Variants in SGMS1 observed in about 807,000 individuals in gnomAD.
SGMS1 encodes phosphatidylcholine:ceramide cholinephosphotransferase 1.
In SGMS1, 13 loss-of-function variants were observed where a neutral mutation model predicts 46.2. The ratio of observed to expected loss-of-function variants is 0.28; its 90% CI spans 0.18 to 0.45. The LOEUF is 0.45. Among genes scored for constraint, SGMS1 ranks in the 20% least tolerant of loss-of-function variants. SGMS1 has a pLI of 1.00. For synonymous variants in SGMS1, 203 were observed against 187.8 expected, an observed-to-expected ratio of 1.08 and a Z score of -0.66; for missense variants, 324 against 519.9, an observed-to-expected ratio of 0.62 and a Z score of 3.66.
intron 2 of SGMS1, among the ~76,000 whole-genome samples, chr10:50,559,748 G>T (rs1173922590): frequency 1.3e-5 from 2 of 152,084 alleles, no homozygotes; most frequent in Non-Finnish European, 2.9e-5. Context: ...GCTTGAAGTG[G>T]GTGGCTAACA....
chr10:50,332,716 G>A (rs989855697), intron 7 of SGMS1, among the ~76,000 whole-genome samples: 9 of 143,946 alleles, frequency 6.3e-5, no homozygotes, highest in South Asian at 2.2e-4. Context: ...TCCATCTCCC[G>A]GGCTCAAGCA....
At chr10:50,443,007 G>C (rs1446879943) in intron 5 of SGMS1, among the ~76,000 whole-genome samples, 1 of 152,076 alleles carries the variant, frequency 6.6e-6, no homozygotes, top group Non-Finnish European at 1.5e-5. Context: ...AATAAGAATG[G>C]TTTCCTTAGT....
intron 3 of SGMS1, among the ~76,000 whole-genome samples, chr10:50,497,521 G>A (rs773651975): frequency 6.6e-6 from 1 of 152,146 alleles, no homozygotes; most frequent in Non-Finnish European, 1.5e-5. Flanking sequence ...GGCCGGGCGC[G>A]GTGGCTCACG....
intron 3 of SGMS1, among the ~76,000 whole-genome samples, chr10:50,494,993 G>A (rs1000515117): frequency 2.0e-4 from 26 of 126,912 alleles, no homozygotes; most frequent in Non-Finnish European, 3.1e-4. Flanking sequence ...CAGAGATCCC[G>A]CCACTGCACT....
rs116159204 is a variant in SGMS1 at position 50,479,569 on chromosome 10, A to G, written c.-497-12637T>C. ...AGTGAAAATCTTTCTGAACCGCATT[A>G]TATTTTTTTCTTACTTTTCCCATGT... On this transcript the variant is annotated intron_variant, in intron 3 of 10. Coordinates refer to ENST00000361781, the MANE Select transcript of SGMS1 (RefSeq NM_147156.4). Among the ~76,000 whole-genome samples, 630 of 152,274 alleles carry G rather than the reference A, an allele frequency of 4.1e-3. 6 individuals carry two copies. The highest frequency in any genetic ancestry group is 0.014 in the African/African-American group (601 of 41,554).
At chr10:50,323,052 T>C (rs1847475296) in intron 8 of SGMS1, among the ~76,000 whole-genome samples, 1 of 152,158 alleles carries the variant, frequency 6.6e-6, no homozygotes, top group Admixed American at 6.5e-5. Context: ...TTTCACTTCC[T>C]TTTCCCAGTG....
At chr10:50,504,415 G>C (rs1837687538) in intron 3 of SGMS1, among the ~76,000 whole-genome samples, 1 of 152,162 alleles carries the variant, frequency 6.6e-6, no homozygotes. Flanking sequence ...ATTTAGCACT[G>C]TCATCAGTTA....
intron 2 of SGMS1, among the ~76,000 whole-genome samples, chr10:50,529,488 G>A (rs753876138): frequency 6.6e-6 from 1 of 152,194 alleles, no homozygotes; most frequent in Non-Finnish European, 1.5e-5. Flanking sequence ...GCTGCCCGAG[G>A]AGGATTACTT....
chr10:50,396,203 G>T (rs1056179021), intron 6 of SGMS1, among the ~76,000 whole-genome samples: 1 of 152,032 alleles, frequency 6.6e-6, no homozygotes, highest in Non-Finnish European at 1.5e-5. Context: ...GAGCCCTCAG[G>T]GTGGGGCTCC....
chr10:50,563,081 T>C (rs1305534282), intron 2 of SGMS1, among the ~76,000 whole-genome samples: 2 of 152,198 alleles, frequency 1.3e-5, no homozygotes, highest in African/African-American at 4.8e-5. Flanking sequence ...CTAGAGAGCA[T>C]GAGAGCAGTA....
In SGMS1 at chr10:50,343,804, G is replaced by T; in HGVS notation, c.311C>A (p.Pro104His). ...PDGSFSIKIK[P>H]NGMPNGYRKE... ...CCTATACCCATTTGGCATCCCGTTG[G>T]GTTTAATCTTGATGCTGAAGCTGCC... The change falls in exon 7 of 11, where the codon CCC (proline) becomes CAC (histidine). Residue 104 changes from proline (P) to histidine (H), a missense_variant. Coordinates refer to ENST00000361781, the MANE Select transcript of SGMS1 (RefSeq NM_147156.4). 1 of 1,614,134 alleles carries T rather than the reference G, an allele frequency of 6.2e-7. No homozygotes were observed. Among genetic ancestry groups the T allele is most frequent in the South Asian group, 1.1e-5 (1 of 91,080 alleles).
At chr10:50,419,101 A>G (rs1849220998) in intron 6 of SGMS1, among the ~76,000 whole-genome samples, 1 of 152,214 alleles carries the variant, frequency 6.6e-6, no homozygotes, top group South Asian at 2.1e-4. Context: ...GAAAAATCAT[A>G]GTATATATAG....
intron 6 of SGMS1, among the ~76,000 whole-genome samples, chr10:50,355,582 T>C (rs527641864): frequency 7.9e-5 from 12 of 152,280 alleles, no homozygotes; most frequent in African/African-American, 2.6e-4. Flanking sequence ...GTGCTCAATG[T>C]TGCCCAGGCT....
chr10:50,317,208 T>C (rs1371621679), intron 8 of SGMS1, among the ~76,000 whole-genome samples: 1 of 152,228 alleles, frequency 6.6e-6, no homozygotes, highest in African/African-American at 2.4e-5. Flanking sequence ...ATGAATGCTT[T>C]AGATTTCAAA....
At chr10:50,597,808 T>A (rs1838609281) in intron 1 of SGMS1, among the ~76,000 whole-genome samples, 1 of 151,626 alleles carries the variant, frequency 6.6e-6, no homozygotes, top group South Asian at 2.1e-4. Flanking sequence ...AGGTTGGGAG[T>A]TCGAGACCAG....
At chr10:50,375,886 G>T (rs1460831456) in intron 6 of SGMS1, among the ~76,000 whole-genome samples, 1 of 151,932 alleles carries the variant, frequency 6.6e-6, no homozygotes, top group East Asian at 1.9e-4. Context: ...TTTAAGAGAT[G>T]GGGTCTCACT....
intron 1 of SGMS1, among the ~76,000 whole-genome samples, chr10:50,615,234 G>T (rs1838785844): frequency 1.3e-5 from 2 of 152,156 alleles, no homozygotes; most frequent in South Asian, 4.1e-4. Flanking sequence ...AATTTGTACA[G>T]CCTCCAACCA....
At chr10:50,565,337 A>G (rs1838278793) in intron 2 of SGMS1, among the ~76,000 whole-genome samples, 1 of 152,222 alleles carries the variant, frequency 6.6e-6, no homozygotes, top group Admixed American at 6.5e-5. Flanking sequence ...CTATACTGCC[A>G]CTGAAGAACT....
chr10:50,568,209 G>A (rs557841029), intron 2 of SGMS1, among the ~76,000 whole-genome samples: 2 of 152,090 alleles, frequency 1.3e-5, no homozygotes, highest in Non-Finnish European at 2.9e-5. Context: ...TCTTCCAAAC[G>A]TTTTCTTCCT....
Sources: allele counts gnomAD v4.1 joint callset (sites outside exome capture counted in the v4.1 genomes callset), GRCh38; gene constraint gnomAD v4.1.1; transcripts MANE v1.5; gene names NCBI Gene and HGNC (gene_info 2026-07-23, HGNC 2026-07-21).